MAMDC2: variants seen among roughly 807,000 people sequenced by gnomAD.
The protein encoded by MAMDC2 is MAM domain containing 2, also known as MAM domain-containing protein 2.
Under a neutral mutation model 89.8 loss-of-function variants are expected in MAMDC2, and 57 were observed. The ratio of observed to expected loss-of-function variants is 0.63; its 90% CI spans 0.51 to 0.79. MAMDC2 has a LOEUF of 0.79. MAMDC2 is among the 30% of genes least tolerant of loss of function. The pLI is 0.00. For synonymous variants in MAMDC2, 313 were observed against 293.4 expected (o/e 1.07, Z -0.68); for missense variants, 800 against 820.6 (o/e 0.97, Z 0.31).
At chr9:70,190,517 G>C (rs2032855823) in intron 11 of MAMDC2, among the ~76,000 whole-genome samples, 1 of 151,528 alleles carries the variant, frequency 6.6e-6, no homozygotes, top group Non-Finnish European at 1.5e-5. Context: ...CTCATGAAGA[G>C]CCTAAAGGTC....
chr9:70,177,188 A>G (rs2032525327), intron 11 of MAMDC2, among the ~76,000 whole-genome samples: 1 of 152,152 alleles, frequency 6.6e-6, no homozygotes, highest in Non-Finnish European at 1.5e-5. Flanking sequence ...TGCCATATCT[A>G]AACTGTCAGC....
intron 2 of MAMDC2, among the ~76,000 whole-genome samples, chr9:70,077,166 C>T (rs575835250): frequency 3.9e-5 from 6 of 152,114 alleles, no homozygotes; most frequent in African/African-American, 7.2e-5. Context: ...CAGAATGTGG[C>T]GAGGGCTTGA....
Position 70,210,655 on chromosome 9 carries a change from T to C in MAMDC2, c.1652-7682T>C, listed in dbSNP as rs60751169. 3.0e-3 allele frequency among the ~76,000 whole-genome samples: 452 copies of C among 152,350 alleles called. 2 individuals are homozygous for C. Among genetic ancestry groups the C allele is most frequent in the African/African-American group, 0.01 (433 of 41,578 alleles). Reference sequence around the variant, plus strand: ...TACATTTAAGGTTAATATTGTTATGTGTGAATTTGATCCTGTCATGACGTT... The same window carrying C: ...TACATTTAAGGTTAATATTGTTATGCGTGAATTTGATCCTGTCATGACGTT... On this transcript the variant is annotated intron_variant, in intron 11 of 13. Coordinates refer to ENST00000377182, the MANE Select transcript of MAMDC2 (RefSeq NM_153267.5).
intron 9 of MAMDC2, among the ~76,000 whole-genome samples, chr9:70,159,530 T>C (rs2031891123): frequency 6.6e-6 from 1 of 152,214 alleles, no homozygotes; most frequent in East Asian, 1.9e-4. Context: ...AGCATTCTTA[T>C]TAGCAAAGGA....
chr9:70,203,797 TCA>T (rs1403661068), intron 11 of MAMDC2, among the ~76,000 whole-genome samples: 4 of 126,174 alleles, frequency 3.2e-5, no homozygotes, highest in African/African-American at 1.2e-4. Flanking sequence ...TCGCTTCATT[TCA>T]TTCATTTCAT....
At chr9:70,180,361 T>A (rs2032614471) in intron 11 of MAMDC2, among the ~76,000 whole-genome samples, 1 of 152,216 alleles carries the variant, frequency 6.6e-6, no homozygotes. Flanking sequence ...TGATTTATAA[T>A]CCTTTGGGTA....
chr9:70,044,625 T>G lies in MAMDC2; in HGVS notation c.76T>G (p.Cys26Gly). ...TGCCCTCGACCTGCCCGCTGGGTCC[T>G]GTGCCTTTGAAGAGAGCACTTGCGG... ...AGALDLPAGSCAFEESTCGFD... is the reference protein window; with the variant it reads ...AGALDLPAGSGAFEESTCGFD... The change falls in exon 2 of 14, where the codon TGT (cysteine) becomes GGT (glycine). Residue 26 changes from cysteine to glycine, a missense_variant. By Grantham distance (159) the Cys-to-Gly change is radical. Transcript: ENST00000377182. The G allele has an allele frequency of 6.4e-7, 1 of 1,551,420 alleles. No homozygotes were observed. Among genetic ancestry groups the G allele is most frequent in the Non-Finnish European group, 8.7e-7 (1 of 1,146,970 alleles).
At chr9:70,197,065 TCA>T (rs1441223312) in intron 11 of MAMDC2, among the ~76,000 whole-genome samples, 8 of 25,544 alleles carry the variant, frequency 3.1e-4, no homozygotes, top group African/African-American at 5.4e-4. Flanking sequence ...ATGAAAATGT[TCA>T]GGTTGTTATT....
In MAMDC2 at chr9:70,140,063, A is replaced by G. The variant is rs569254371; in HGVS notation, c.995-82A>G. 49 of 1,381,076 alleles carry G rather than the reference A, an allele frequency of 3.5e-5. No individual in the cohort carries two copies. In the South Asian group the frequency reaches 7.6e-4, roughly 21 times the overall value. The allele number at this position is 1,381,076 out of a possible 1,614,324, so 85.6% of individuals were successfully genotyped here. A position where few individuals can be genotyped will look rare whatever the true frequency, so the allele number is the denominator to read the frequency against. On this transcript the variant is annotated intron_variant, in intron 7 of 13. Coordinates refer to ENST00000377182, the MANE Select transcript of MAMDC2 (RefSeq NM_153267.5). Reference sequence around the variant, plus strand: ...TCGGTCTCCCCTGGTACAAATGTGTATATATAAATATCTGTCAACCAGTTG... The same window carrying G: ...TCGGTCTCCCCTGGTACAAATGTGTGTATATAAATATCTGTCAACCAGTTG...
intron 2 of MAMDC2, among the ~76,000 whole-genome samples, chr9:70,070,432 A>G (rs1827375931): frequency 6.6e-6 from 1 of 152,192 alleles, no homozygotes; most frequent in South Asian, 2.1e-4. Context: ...ATTGTTTTAA[A>G]GAAGTAAGGT....
chr9:70,207,699 C>T (rs952604445), intron 11 of MAMDC2, among the ~76,000 whole-genome samples: 1 of 152,284 alleles, frequency 6.6e-6, no homozygotes, highest in African/African-American at 2.4e-5. Context: ...GACATGAAGT[C>T]CTTGCCCATG....
At position 70,179,694 on chromosome 9, in the gene MAMDC2, A is replaced by G. The variant is rs184765749; in HGVS notation, c.1651+9063A>G. Reference sequence around the variant, plus strand: ...ATTACATTTCAAACTCTTAGCCAGAAGATATATGCTCCTATAAAATTCCAG... The same window carrying G: ...ATTACATTTCAAACTCTTAGCCAGAGGATATATGCTCCTATAAAATTCCAG... On this transcript the variant is annotated intron_variant, in intron 11 of 13. Coordinates refer to ENST00000377182, the MANE Select transcript of MAMDC2 (RefSeq NM_153267.5). 1.8e-3 allele frequency among the ~76,000 whole-genome samples: 268 copies of G among 151,360 alleles called. 3 individuals are homozygous for G. The highest frequency in any genetic ancestry group is 1.0e-3 in the Non-Finnish European group (69 of 67,830).
chr9:70,194,369 T>C (rs1170119361), intron 11 of MAMDC2: 1 of 152,110 alleles, frequency 6.6e-6, no homozygotes, highest in African/African-American at 2.4e-5. Flanking sequence ...GATTAGGCAA[T>C]GAGGGCTCCT....
intron 9 of MAMDC2, chr9:70,157,435 T>A (rs952422406): frequency 6.6e-6 from 1 of 152,232 alleles, no homozygotes; most frequent in African/African-American, 2.4e-5. Context: ...TCCTTTTGCA[T>A]AGATATGCCT....
chr9:70,137,127 G>A (rs191219143), intron 7 of MAMDC2, among the ~76,000 whole-genome samples: 3 of 150,676 alleles, frequency 2.0e-5, no homozygotes, highest in East Asian at 1.9e-4. Context: ...CTTTTTTTTT[G>A]TAATGTGTTG....
intron 3 of MAMDC2, 99 bp downstream of exon 3, chr9:70,108,581 C>CA: frequency 1.9e-6 from 2 of 1,057,678 alleles, no homozygotes; most frequent in Non-Finnish European, 2.7e-6. Flanking sequence ...TAGTTATCTC[C>CA]TGGATTATGA....
chr9:70,214,249 T>C (rs966015397), intron 11 of MAMDC2, among the ~76,000 whole-genome samples: 1 of 152,200 alleles, frequency 6.6e-6, no homozygotes, highest in African/African-American at 2.4e-5. Context: ...TTTGGAATAG[T>C]ATAGTCAGAA....
chr9:70,102,860 C>A (rs752207610), intron 2 of MAMDC2, among the ~76,000 whole-genome samples: 1 of 152,210 alleles, frequency 6.6e-6, no homozygotes, highest in Admixed American at 6.5e-5. Flanking sequence ...TCCAACACTG[C>A]GGTTGGTAAA....
At chr9:70,171,165 C>T (rs1262791350) in intron 11 of MAMDC2, 2 of 152,850 alleles carry the variant, frequency 1.3e-5, no homozygotes, top group Non-Finnish European at 2.9e-5. Flanking sequence ...CTTCATATTA[C>T]CAACATGTAT....
Sources: allele counts gnomAD v4.1 joint callset (sites outside exome capture counted in the v4.1 genomes callset), GRCh38; gene constraint gnomAD v4.1.1; transcripts MANE v1.5; gene names NCBI Gene and HGNC (gene_info 2026-07-23, HGNC 2026-07-21).